TATDN1: variants seen among roughly 807,000 people sequenced by gnomAD.
The protein encoded by TATDN1 is TatD DNase domain containing 1, also known as deoxyribonuclease TATDN1.
Under a neutral mutation model 46.4 loss-of-function variants are expected in TATDN1, and 40 were observed. The observed-to-expected ratio is 0.86, with a 90% confidence interval of 0.67 to 1.12. The LOEUF is 1.12. TATDN1 is among the 50% of genes most tolerant of loss of function. TATDN1 has a pLI of 0.00. For synonymous variants in TATDN1, 95 were observed against 105.6 expected, an observed-to-expected ratio of 0.90 and a Z score of 0.62; for missense variants, 326 against 348.4, an observed-to-expected ratio of 0.94 and a Z score of 0.51.
At chr8:124,499,120 T>C (rs1249605933) in intron 9 of TATDN1, among the ~76,000 whole-genome samples, 4 of 152,036 alleles carry the variant, frequency 2.6e-5, no homozygotes, top group Admixed American at 2.0e-4. Context: ...CCCTTTTTCT[T>C]TGCTATTACA....
Position 124,488,650 on chromosome 8 carries a change from C to A in TATDN1, c.838G>T (p.Glu280Ter). The A allele has an allele frequency of 6.2e-7, 1 of 1,606,858 alleles. No individual in the cohort carries two copies. Among genetic ancestry groups the A allele is most frequent in the Non-Finnish European group, 8.5e-7 (1 of 1,174,314 alleles). Reference sequence around the variant, plus strand: ...TTGTTATATAGTGTATTGGCTAATTCCAGTGGATCCTCATCTCTCACTGCT... The same window carrying A: ...TTGTTATATAGTGTATTGGCTAATTACAGTGGATCCTCATCTCTCACTGCT... The part of the protein sequence containing the change: ...MSAVRDEDPL[E>*]LANTLYNNTI... Residue 280 changes from glutamate (E) to a stop codon, truncating the protein, a stop_gained, in exon 12 of 12, where the codon GAA (glutamate) becomes TAA (stop). Coordinates refer to ENST00000276692, the MANE Select transcript of TATDN1 (RefSeq NM_032026.4). LOFTEE classifies it high-confidence loss of function.
rs1563644614 is a variant in TATDN1 at position 124,495,453 on chromosome 8, GT to G, written c.664+18del. ...TTGGTATGGTTTAATATGAAACAAA[GT>G]TCTGAAAACAAACTTACCTGTCTCA... On this transcript the variant is annotated intron_variant, in intron 10 of 11. Coordinates refer to ENST00000276692, the MANE Select transcript of TATDN1 (RefSeq NM_032026.4). The G allele has an allele frequency of 6.3e-7, 1 of 1,586,516 alleles. No individual in the cohort carries two copies. The highest frequency in any genetic ancestry group is 2.2e-5 in the East Asian group (1 of 44,540).
chr8:124,504,794 T>G (rs1818270677), intron 8 of TATDN1: 1 of 152,024 alleles, frequency 6.6e-6, no homozygotes, highest in South Asian at 2.1e-4. Context: ...TTGCCCAGGC[T>G]GGGGTGCAAT....
intron 4 of TATDN1, among the ~76,000 whole-genome samples, chr8:124,516,444 A>T (rs1819480490): frequency 6.6e-6 from 1 of 151,732 alleles, no homozygotes. Context: ...CTGGGGCTAC[A>T]TACGCATGCC....
intron 11 of TATDN1, among the ~76,000 whole-genome samples, chr8:124,492,933 G>A (rs1472037853): frequency 6.6e-6 from 1 of 151,870 alleles, no homozygotes; most frequent in Non-Finnish European, 1.5e-5. Flanking sequence ...TGGAATACAG[G>A]CGCAGGCCAC....
chr8:124,520,292 C>T (rs1273964190), intron 3 of TATDN1, among the ~76,000 whole-genome samples: 1 of 151,700 alleles, frequency 6.6e-6, no homozygotes, highest in Admixed American at 6.6e-5. Flanking sequence ...CAAAAATTAG[C>T]CAGGCGTGGT....
At chr8:124,527,815 C>T (rs1053669442) in intron 1 of TATDN1, among the ~76,000 whole-genome samples, 9 of 151,234 alleles carry the variant, frequency 6.0e-5, no homozygotes, top group African/African-American at 1.7e-4. Flanking sequence ...TCCATCCCTA[C>T]GATAGCCAAT....
intron 3 of TATDN1, among the ~76,000 whole-genome samples, chr8:124,521,243 A>C (rs1329853538): frequency 6.6e-6 from 1 of 152,186 alleles, no homozygotes; most frequent in Non-Finnish European, 1.5e-5. Context: ...CTACACTATA[A>C]ATGCAAGGTA....
chr8:124,509,930 C>T (rs1424876442), intron 6 of TATDN1, among the ~76,000 whole-genome samples: 2 of 150,810 alleles, frequency 1.3e-5, no homozygotes, highest in South Asian at 2.1e-4. Flanking sequence ...CCCAGCTATT[C>T]GGCAGGCATG....
chr8:124,511,714 T>C (rs1019692077), intron 6 of TATDN1, among the ~76,000 whole-genome samples: 16 of 151,744 alleles, frequency 1.1e-4, no homozygotes, highest in Admixed American at 8.5e-4. Context: ...GAAAAAAGTA[T>C]TAAAAAAAAA....
At chr8:124,496,683 C>T (rs1469633947) in intron 9 of TATDN1, among the ~76,000 whole-genome samples, 1 of 152,166 alleles carries the variant, frequency 6.6e-6, no homozygotes, top group African/African-American at 2.4e-5. Flanking sequence ...AATAATATTC[C>T]ACTGGACATA....
chr8:124,506,871 T>A (rs970098550), intron 8 of TATDN1, among the ~76,000 whole-genome samples: 4 of 152,056 alleles, frequency 2.6e-5, no homozygotes, highest in Admixed American at 6.6e-5. Flanking sequence ...TCGAAGAGAC[T>A]AAAAATCATG....
intron 11 of TATDN1, chr8:124,488,996 T>C: frequency 3.1e-6 from 1 of 324,808 alleles, no homozygotes; most frequent in Non-Finnish European, 5.7e-6. Flanking sequence ...TGAAGAGTCC[T>C]TTTCAATTGT....
At chr8:124,538,891 G>A (rs780250202) in intron 1 of TATDN1, 134 bp downstream of exon 1, 21 of 980,104 alleles carry the variant, frequency 2.1e-5, no homozygotes, top group African/African-American at 3.2e-5. Flanking sequence ...AAACCTCCCC[G>A]CGCCCTCCTC....
At chr8:124,517,260 T>A (rs972744344) in intron 4 of TATDN1, among the ~76,000 whole-genome samples, 2 of 151,946 alleles carry the variant, frequency 1.3e-5, no homozygotes, top group African/African-American at 4.8e-5. Context: ...AAACCCCGTC[T>A]CTACTAAAGA....
At chr8:124,537,195 C>T (rs375352878) in intron 1 of TATDN1, among the ~76,000 whole-genome samples, 3 of 152,044 alleles carry the variant, frequency 2.0e-5, no homozygotes, top group East Asian at 1.9e-4. Flanking sequence ...TTGTACTACG[C>T]CCCTAGGAAA....
chr8:124,538,149 T>C (rs1000198114), intron 1 of TATDN1, among the ~76,000 whole-genome samples: 1 of 152,168 alleles, frequency 6.6e-6, no homozygotes, highest in Admixed American at 6.5e-5. Context: ...TTTAAGTACT[T>C]TTCCAAACCC....
At chr8:124,514,990 A>T (rs1325303261) in intron 6 of TATDN1, among the ~76,000 whole-genome samples, 1 of 152,038 alleles carries the variant, frequency 6.6e-6, no homozygotes, top group Non-Finnish European at 1.5e-5. Context: ...GAGTCTCCTT[A>T]TGTTGCTCAG....
At chr8:124,530,010 G>C (rs1820824239) in intron 1 of TATDN1, among the ~76,000 whole-genome samples, 1 of 152,110 alleles carries the variant, frequency 6.6e-6, no homozygotes, top group South Asian at 2.1e-4. Flanking sequence ...AGAATCGCTT[G>C]AACCCGGGAG....
Sources: gnomAD v4.1 joint callset for allele counts (sites outside exome capture counted in the v4.1 genomes callset) on GRCh38, gnomAD v4.1.1 for gene constraint, MANE v1.5 for transcripts, NCBI Gene and HGNC (gene_info 2026-07-23, HGNC 2026-07-21) for gene names.